Variants in ADCYAP1 observed in about 807,000 individuals in gnomAD.
ADCYAP1 encodes pituitary adenylate cyclase-activating polypeptide.
Under a neutral mutation model 18.5 loss-of-function variants are expected in ADCYAP1, and 6 were observed. The ratio of observed to expected loss-of-function variants is 0.32; its 90% CI spans 0.18 to 0.64. The LOEUF (loss-of-function observed/expected upper bound fraction) is 0.64. Among genes scored for constraint, ADCYAP1 ranks in the 30% least tolerant of loss-of-function variants. ADCYAP1 has a pLI of 0.77. For synonymous variants in ADCYAP1, 136 were observed against 113.9 expected (o/e 1.19, Z -1.24); for missense variants, 314 against 253.6 (o/e 1.24, Z -1.62).
At chr18:905,615 C>G (rs999583467) in intron 2 of ADCYAP1, 119 bp downstream of exon 2, 5 of 1,203,708 alleles carry the variant, frequency 4.2e-6, no homozygotes, top group Non-Finnish European at 3.4e-6. Context: ...CTCTGCGCCC[C>G]CGGTGCGCCT....
At chr18:905,253 C>T (rs1909118194) in intron 1 of ADCYAP1, 133 bp from the exon 2 acceptor site, 8 of 1,489,802 alleles carry the variant, frequency 5.4e-6, no homozygotes, top group South Asian at 2.7e-5. Flanking sequence ...CCGGCTGTCG[C>T]CAAGTGCTGT....
chr18:909,366 G>A lies in ADCYAP1; in HGVS notation c.342-80G>A, dbSNP rs557820107. On this transcript the variant is annotated intron_variant, in intron 4 of 4. Coordinates refer to ENST00000450565, the MANE Select transcript of ADCYAP1 (RefSeq NM_001099733.2). ...CCCTCCCCGAAGGCTCCCGCGTGGG[G>A]TGGGGCCCGCCTGCTCCCCGCGGCG... 6 of 1,433,126 alleles carry A rather than the reference G, an allele frequency of 4.2e-6. No homozygotes were observed. The South Asian group carries it at 5.3e-5, about 13-fold the overall frequency. 88.8% of individuals were successfully genotyped at this position (1,433,126 alleles called of 1,614,324 possible).
At chr18:905,678 G>C (rs1364521382) in intron 2 of ADCYAP1, 182 bp downstream of exon 2, 8 of 729,128 alleles carry the variant, frequency 1.1e-5, no homozygotes, top group Non-Finnish European at 1.8e-5. Flanking sequence ...GGTCTGGCAG[G>C]CTCCGCGACT....
intron 3 of ADCYAP1, 188 bp from the exon 4 acceptor site, chr18:908,077 A>T: frequency 3.0e-6 from 2 of 665,860 alleles, no homozygotes; most frequent in South Asian, 2.2e-5. Flanking sequence ...TAGAGCCGGG[A>T]CTAGCTCCCG....
chr18:909,664 C>A lies in ADCYAP1; in HGVS notation c.*29C>A. On this transcript the variant is annotated 3_prime_UTR_variant, in exon 5 of 5. Coordinates refer to ENST00000450565, the MANE Select transcript of ADCYAP1 (RefSeq NM_001099733.2). ...TGGGTTACCAGCTACCCTGTGTATA[C>A]AGCCCTGACGCAATGAAAAGTCGTT... 6.2e-7 allele frequency: 1 copy of A among 1,600,654 alleles called. No individual in the cohort carries two copies. Among genetic ancestry groups the A allele is most frequent in the South Asian group, 1.1e-5 (1 of 89,736 alleles).
At position 910,936 on chromosome 18, in the gene ADCYAP1, C is replaced by T. The variant is rs1455126146; in HGVS notation, c.*1301C>T. The stretch of plus-strand genomic sequence containing the variant: ...TAAATTTTAGAAACCCCTCTGTAGC[C>T]ACTAGTAAGTAATTATGCACTAAAT... On this transcript the variant is annotated 3_prime_UTR_variant, in exon 5 of 5. Transcript: ENST00000450565. The T allele has an allele frequency of 6.6e-6, 1 of 152,004 alleles. No individual in the cohort carries two copies. The highest frequency in any genetic ancestry group is 1.5e-5 in the Non-Finnish European group (1 of 68,016). 9.4% of individuals were successfully genotyped at this position (152,004 alleles called of 1,614,324 possible).
intron 2 of ADCYAP1, chr18:906,705 T>C (rs1186506629): frequency 6.6e-6 from 1 of 152,226 alleles, no homozygotes; most frequent in Non-Finnish European, 1.5e-5. Context: ...GCCCAGAGAG[T>C]GCTACTAGCG....
chr18:904,609 C>T, upstream of ADCYAP1: 1 of 1,257,696 alleles, frequency 8.0e-7, no homozygotes, highest in Non-Finnish European at 1.0e-6. Flanking sequence ...AAGGCGCCGC[C>T]GACCCTCGCG....
chr18:905,377 C>G lies in ADCYAP1; in HGVS notation c.-1-9C>G, dbSNP rs1418597696. Reference sequence around the variant, plus strand: ...CACAGCTGTGTGTCCTCTTTCCCATCCTGCGCAGAATGACCATGTGTAGCG... The same window carrying G: ...CACAGCTGTGTGTCCTCTTTCCCATGCTGCGCAGAATGACCATGTGTAGCG... On this transcript the variant is annotated splice_polypyrimidine_tract_variant and intron_variant, in intron 1 of 4. Coordinates refer to ENST00000450565, the MANE Select transcript of ADCYAP1 (RefSeq NM_001099733.2). The G allele has an allele frequency of 1.2e-6, 2 of 1,612,682 alleles. No homozygotes were observed.
At chr18:908,087 G>C (rs1289445549) in intron 3 of ADCYAP1, 178 bp from the exon 4 acceptor site, 2 of 671,004 alleles carry the variant, frequency 3.0e-6, no homozygotes, top group Non-Finnish European at 4.9e-6. Flanking sequence ...ACTAGCTCCC[G>C]ATCCTAGCAG....
intron 2 of ADCYAP1, chr18:907,449 T>C (rs1467966996): frequency 5.2e-6 from 2 of 387,202 alleles, no homozygotes; most frequent in South Asian, 4.5e-5. Context: ...GAAGGGGGGG[T>C]GGGCGGGCCG....
At position 907,925 on chromosome 18, in the gene ADCYAP1, C is replaced by T. The variant is rs1365160983; in HGVS notation, c.242+135C>T. 8.9e-6 allele frequency: 12 copies of T among 1,350,208 alleles called. No individual in the cohort carries two copies. The South Asian group carries it at 2.1e-4, about 23-fold the overall frequency. 83.6% of individuals were successfully genotyped at this position (1,350,208 alleles called of 1,614,324 possible). On this transcript the variant is annotated intron_variant, in intron 3 of 4. Coordinates refer to ENST00000450565, the MANE Select transcript of ADCYAP1 (RefSeq NM_001099733.2). ...GTCCTCAAGCCTGTCCTCTCCCTGGCCCGATCCTATTGCAGCGACAGAAAA... is the reference window on the plus strand; with the variant it reads ...GTCCTCAAGCCTGTCCTCTCCCTGGTCCGATCCTATTGCAGCGACAGAAAA...
Position 905,408 on chromosome 18 carries a change from A to G in ADCYAP1, c.22A>G (p.Arg8Gly). Residue 8 changes from arginine (R) to glycine (G), a missense_variant, in exon 2 of 5, where the codon AGG (arginine) becomes GGG (glycine). By Grantham distance (125) the Arg-to-Gly change is moderately radical. Transcript: ENST00000450565. ...CAGAATGACCATGTGTAGCGGAGCG[A>G]GGCTGGCCCTGCTGGTCTATGGGAT... is the stretch of plus-strand genomic sequence containing the variant. MTMCSGA[R>G]LALLVYGIIM... 6.2e-7 allele frequency: 1 copy of G among 1,613,166 alleles called. No homozygotes were observed. The highest frequency in any genetic ancestry group is 8.5e-7 in the Non-Finnish European group (1 of 1,180,018).
At chr18:905,324 T>C in intron 1 of ADCYAP1, 62 bp from the exon 2 acceptor site, 1 of 1,582,090 alleles carries the variant, frequency 6.3e-7, no homozygotes. Context: ...CTTTTTGGGG[T>C]TGGAGGGTGG....
intron 1 of ADCYAP1, 140 bp downstream of exon 1, chr18:905,200 A>G (rs12605354): frequency 1.4e-6 from 2 of 1,410,086 alleles, no homozygotes; most frequent in African/African-American, 1.4e-5. Flanking sequence ...ATATATATAT[A>G]TTTTTTTCTA....
chr18:907,721 C>G lies in ADCYAP1; in HGVS notation c.173C>G (p.Pro58Arg). The change falls in exon 3 of 5, where the codon CCG becomes CGG. Residue 58 changes from proline to arginine, a missense_variant. Physicochemically the swap from Pro to Arg is moderately radical, Grantham distance 103 (BLOSUM62 -2). Transcript: ENST00000450565. ...NPLPDFDGSEPPGAGSPASAP... is the reference protein window; with the variant it reads ...NPLPDFDGSERPGAGSPASAP... ...CTGCCAGACTTCGATGGCTCGGAGC[C>G]GCCGGGCGCAGGGAGCCCCGCCTCC... The G allele has an allele frequency of 1.3e-6, 2 of 1,538,266 alleles. No homozygotes were observed. The highest frequency in any genetic ancestry group is 1.2e-5 in the South Asian group (1 of 84,114).
upstream of ADCYAP1, chr18:904,832 C>T (rs1199153986): frequency 2.3e-6 from 3 of 1,285,916 alleles, no homozygotes; most frequent in Non-Finnish European, 2.0e-6. Context: ...CTCCGTGTCA[C>T]GCTCCCTCCT....
upstream of ADCYAP1, chr18:904,643 A>G: frequency 8.1e-7 from 1 of 1,235,894 alleles, no homozygotes; most frequent in Admixed American, 3.2e-5. Flanking sequence ...CGGCTCCTAC[A>G]AAGGCGGGCT....
chr18:908,531 T>C (rs1909269132), intron 4 of ADCYAP1, among the ~76,000 whole-genome samples, 168 bp downstream of exon 4: 1 of 152,038 alleles, frequency 6.6e-6, no homozygotes, highest in Non-Finnish European at 1.5e-5. Flanking sequence ...AAGTGGCACT[T>C]TAAATTTGCC....
Sources: gnomAD v4.1 joint callset for allele counts (sites outside exome capture counted in the v4.1 genomes callset) on GRCh38, gnomAD v4.1.1 for gene constraint, MANE v1.5 for transcripts, NCBI Gene and HGNC (gene_info 2026-07-23, HGNC 2026-07-21) for gene names.